Variants in TOX observed in about 807,000 individuals in gnomAD.
The protein encoded by TOX is thymocyte selection-associated high mobility group box protein TOX.
TOX carries 11 observed loss-of-function variants against 53.7 expected under a neutral mutation model. That is an observed-to-expected ratio of 0.20 (90% CI 0.13 to 0.34). The LOEUF (loss-of-function observed/expected upper bound fraction) is 0.34, where lower values mean the gene tolerates loss of function less well. TOX is among the 10% of genes least tolerant of loss of function. TOX has a pLI of 1.00. For missense variants in TOX, 570 were observed against 664.6 expected, an observed-to-expected ratio of 0.86 and a Z score of 1.56; for synonymous variants, 225 against 245.3, an observed-to-expected ratio of 0.92 and a Z score of 0.77.
intron 6 of TOX, among the ~76,000 whole-genome samples, chr8:58,816,419 AT>A (rs1810179636): frequency 1.3e-5 from 2 of 152,108 alleles, no homozygotes. Flanking sequence ...TTTTGCCCTA[AT>A]TTTTTCCGCA....
chr8:58,896,772 A>G (rs989113712), intron 3 of TOX, among the ~76,000 whole-genome samples: 1 of 152,222 alleles, frequency 6.6e-6, no homozygotes, highest in African/African-American at 2.4e-5. Context: ...TAGTCTATCC[A>G]AGGTGCTGGG....
At chr8:58,865,175 T>C (rs1811075389) in intron 3 of TOX, among the ~76,000 whole-genome samples, 1 of 152,150 alleles carries the variant, frequency 6.6e-6, no homozygotes, top group Non-Finnish European at 1.5e-5. Context: ...TAGGCCATTG[T>C]AAGCTTTTAA....
chr8:58,821,732 A>G (rs1055345210), intron 6 of TOX, among the ~76,000 whole-genome samples: 1 of 152,188 alleles, frequency 6.6e-6, no homozygotes, highest in African/African-American at 2.4e-5. Flanking sequence ...TTAATTTAGC[A>G]TAATGTCCTC....
At chr8:58,883,841 T>C (rs987346121) in intron 3 of TOX, among the ~76,000 whole-genome samples, 3 of 152,168 alleles carry the variant, frequency 2.0e-5, no homozygotes, top group Admixed American at 6.5e-5. Context: ...TTGGTATCTT[T>C]CCACTTAATC....
At chr8:59,047,690 C>G (rs1474456889) in intron 1 of TOX, among the ~76,000 whole-genome samples, 2 of 152,100 alleles carry the variant, frequency 1.3e-5, no homozygotes, top group Non-Finnish European at 2.9e-5. Flanking sequence ...CCTTCACCCT[C>G]AGCCTCCCTA....
chr8:59,091,044 C>T (rs1346778072), intron 1 of TOX, among the ~76,000 whole-genome samples: 2 of 152,040 alleles, frequency 1.3e-5, no homozygotes, highest in Admixed American at 6.6e-5. Flanking sequence ...ATAAATATAC[C>T]GAAGCCTCTC....
chr8:58,904,421 G>C (rs1302014215), intron 3 of TOX, among the ~76,000 whole-genome samples: 3 of 152,012 alleles, frequency 2.0e-5, no homozygotes, highest in Admixed American at 6.6e-5. Context: ...ACATTACAAA[G>C]GAGGTGCTTT....
In TOX at chr8:59,033,567, C is replaced by T. The variant is rs139972776; in HGVS notation, c.103-73559G>A. On this transcript the variant is annotated intron_variant, in intron 1 of 8. Transcript: ENST00000361421. ...AATTTTTCCACAATAATAAAAAGGT[C>T]GATGCCCAGTCGCCACTATTACAAG... Among the ~76,000 whole-genome samples, 184 of 152,198 alleles carry T rather than the reference C, an allele frequency of 1.2e-3. 1 individual carries two copies. The South Asian group carries it at 0.018, about 15-fold the overall frequency.
At chr8:59,014,486 T>C (rs1813972875) in intron 1 of TOX, among the ~76,000 whole-genome samples, 2 of 152,240 alleles carry the variant, frequency 1.3e-5, no homozygotes. Context: ...TATCTTGATA[T>C]GCAGAATCTA....
At chr8:58,962,325 T>G (rs1384969684) in intron 1 of TOX, among the ~76,000 whole-genome samples, 1 of 152,220 alleles carries the variant, frequency 6.6e-6, no homozygotes, top group Admixed American at 6.5e-5. Flanking sequence ...ACTATATTTT[T>G]AAGTATATTT....
chr8:59,009,189 T>A (rs1451398343), intron 1 of TOX, among the ~76,000 whole-genome samples: 2 of 151,488 alleles, frequency 1.3e-5, no homozygotes, highest in Non-Finnish European at 2.9e-5. Context: ...CTTTCTTTAT[T>A]CTTTTTTTTT....
intron 1 of TOX, among the ~76,000 whole-genome samples, chr8:59,045,865 T>G (rs1803672684): frequency 6.6e-6 from 1 of 152,226 alleles, no homozygotes; most frequent in Non-Finnish European, 1.5e-5. Context: ...GCCAAAATAT[T>G]TGAAGAGCTT....
intron 1 of TOX, among the ~76,000 whole-genome samples, chr8:59,004,724 G>A (rs1813755039): frequency 6.6e-6 from 1 of 152,152 alleles, no homozygotes; most frequent in Non-Finnish European, 1.5e-5. Flanking sequence ...AGGGGCAGCT[G>A]TAAAGACTAA....
chr8:59,065,473 C>G (rs1342462798), intron 1 of TOX, among the ~76,000 whole-genome samples: 1 of 152,088 alleles, frequency 6.6e-6, no homozygotes, highest in Admixed American at 6.5e-5. Flanking sequence ...TAACTTAGTA[C>G]AAGTTTCATA....
intron 3 of TOX, among the ~76,000 whole-genome samples, chr8:58,882,409 A>G (rs1334927115): frequency 2.0e-5 from 3 of 152,206 alleles, no homozygotes; most frequent in African/African-American, 7.2e-5. Context: ...TTTGAGAAGC[A>G]TTTCTTAGTG....
chr8:58,968,357 C>T (rs896903279), intron 1 of TOX, among the ~76,000 whole-genome samples: 3 of 152,144 alleles, frequency 2.0e-5, no homozygotes, highest in Admixed American at 6.5e-5. Flanking sequence ...CAAATGAATT[C>T]CCAAGTAATT....
intron 1 of TOX, among the ~76,000 whole-genome samples, chr8:59,046,429 A>T (rs915933949): frequency 6.6e-6 from 1 of 152,222 alleles, no homozygotes; most frequent in Non-Finnish European, 1.5e-5. Flanking sequence ...TGAGGATCTT[A>T]TTGGCAAGCT....
At chr8:58,994,846 T>C (rs138499907) in intron 1 of TOX, among the ~76,000 whole-genome samples, 1 of 152,318 alleles carries the variant, frequency 6.6e-6, no homozygotes, top group African/African-American at 2.4e-5. Context: ...CCTACTGCTC[T>C]GAAGACTCGA....
intron 3 of TOX, among the ~76,000 whole-genome samples, chr8:58,895,339 G>T (rs1453409290): frequency 2.0e-5 from 3 of 152,110 alleles, no homozygotes; most frequent in South Asian, 2.1e-4. Flanking sequence ...TAAATAAAAA[G>T]ATTATATAGT....
Sources: gnomAD v4.1 joint callset for allele counts (sites outside exome capture counted in the v4.1 genomes callset) on GRCh38, gnomAD v4.1.1 for gene constraint, MANE v1.5 for transcripts, NCBI Gene and HGNC (gene_info 2026-07-23, HGNC 2026-07-21) for gene names.